Variants in FCHSD2 observed in about 807,000 individuals in gnomAD.
FCHSD2 encodes F-BAR and double SH3 domains protein 2.
In FCHSD2, 38 loss-of-function variants were observed where a neutral mutation model predicts 108.1. That is an observed-to-expected ratio of 0.35 (90% confidence interval 0.27 to 0.46). The LOEUF (loss-of-function observed/expected upper bound fraction) is 0.46. Ranked by LOEUF, FCHSD2 falls within the 20% of genes least tolerant of loss-of-function variation. The pLI, the probability that FCHSD2 is intolerant of heterozygous loss-of-function variation, is 1.00. For missense variants in FCHSD2, 751 were observed against 897.8 expected (o/e 0.84, Z 2.09); for synonymous variants, 279 against 314.7 (o/e 0.89, Z 1.20).
Position 72,940,940 on chromosome 11 carries a change from C to A in FCHSD2, c.706-18990G>T, listed in dbSNP as rs547457366. On this transcript the variant is annotated intron_variant, in intron 8 of 19. Transcript: ENST00000409418. ...AAAGCTATCAGAAGAAATCCTGACA[C>A]CCAATGGATCACCAAAGCAGTCTAT... 1.5e-4 allele frequency: 118 copies of A among 779,634 alleles called. 1 individual carries two copies. In the African/African-American group the frequency reaches 1.8e-3, roughly 12 times the overall value. The allele number at this position is 779,634 out of a possible 1,614,324, so 48.3% of individuals were successfully genotyped here.
chr11:73,040,895 C>T (rs182020883), intron 3 of FCHSD2, among the ~76,000 whole-genome samples: 19 of 152,282 alleles, frequency 1.2e-4, no homozygotes, highest in East Asian at 7.7e-4. Context: ...GCTCCCCCCC[C>T]TCTTTGGTAA....
chr11:72,985,780 A>G (rs912580749), intron 6 of FCHSD2, among the ~76,000 whole-genome samples: 2 of 152,126 alleles, frequency 1.3e-5, no homozygotes, highest in Non-Finnish European at 2.9e-5. Context: ...ACCATAATCT[A>G]ACAATAGGTA....
At chr11:73,025,392 G>T (rs567093725) in intron 3 of FCHSD2, among the ~76,000 whole-genome samples, 1 of 152,218 alleles carries the variant, frequency 6.6e-6, no homozygotes, top group African/African-American at 2.4e-5. Flanking sequence ...TGCAGGAAAA[G>T]AAAACCAAAT....
At chr11:73,018,337 C>T (rs948371006) in intron 3 of FCHSD2, among the ~76,000 whole-genome samples, 1 of 152,174 alleles carries the variant, frequency 6.6e-6, no homozygotes, top group African/African-American at 2.4e-5. Context: ...AGTTCTCATT[C>T]TTTGGGTCTT....
chr11:73,061,171 G>A (rs1192075870), intron 3 of FCHSD2, among the ~76,000 whole-genome samples: 2 of 152,222 alleles, frequency 1.3e-5, no homozygotes, highest in Non-Finnish European at 1.5e-5. Context: ...GCGAGCCGAA[G>A]CAGGGTGGGG....
chr11:72,994,499 A>T (rs1857484591), intron 5 of FCHSD2, among the ~76,000 whole-genome samples: 3 of 152,210 alleles, frequency 2.0e-5, no homozygotes, highest in African/African-American at 2.4e-5. Flanking sequence ...CAAGGATGTG[A>T]TGATACCATT....
chr11:73,013,504 G>T (rs895708017), intron 4 of FCHSD2, among the ~76,000 whole-genome samples: 5 of 152,164 alleles, frequency 3.3e-5, no homozygotes, highest in African/African-American at 1.2e-4. Context: ...CCGCTGACAT[G>T]TAGTAGGTAT....
At chr11:73,022,720 G>T (rs1858137630) in intron 3 of FCHSD2, among the ~76,000 whole-genome samples, 1 of 152,028 alleles carries the variant, frequency 6.6e-6, no homozygotes, top group South Asian at 2.1e-4. Context: ...AAAGATAAAG[G>T]TATTAGAATA....
chr11:72,963,253 G>A (rs1336727441), intron 8 of FCHSD2, among the ~76,000 whole-genome samples: 1 of 152,118 alleles, frequency 6.6e-6, no homozygotes, highest in Non-Finnish European at 1.5e-5. Context: ...CTTATTAATA[G>A]CAATAATGAT....
chr11:72,845,785 A>G (rs1861115864), intron 14 of FCHSD2, among the ~76,000 whole-genome samples: 2 of 152,164 alleles, frequency 1.3e-5, no homozygotes, highest in Non-Finnish European at 2.9e-5. Flanking sequence ...GAGCAGACTT[A>G]GATTACTGTG....
chr11:73,030,341 C>T (rs2135450212), intron 3 of FCHSD2, among the ~76,000 whole-genome samples: 1 of 152,012 alleles, frequency 6.6e-6, no homozygotes, highest in East Asian at 1.9e-4. Context: ...AGAGATGATG[C>T]AATAGAGAGA....
chr11:73,086,685 CA>C (rs1859824853), intron 2 of FCHSD2, among the ~76,000 whole-genome samples: 1 of 151,890 alleles, frequency 6.6e-6, no homozygotes, highest in Admixed American at 6.6e-5. Context: ...CACTAATTAC[CA>C]AAATCAGAAA....
intron 8 of FCHSD2, chr11:72,940,634 A>T: frequency 6.9e-7 from 1 of 1,445,248 alleles, no homozygotes; most frequent in Non-Finnish European, 9.7e-7. Flanking sequence ...ACCCAGCCTG[A>T]TAAAGCGCGC....
At chr11:72,902,781 A>C in intron 9 of FCHSD2, 143 bp from the exon 10 acceptor site, 1 of 555,588 alleles carries the variant, frequency 1.8e-6, no homozygotes, top group Non-Finnish European at 3.1e-6. Flanking sequence ...GGTGTTACGC[A>C]TTTTATTTTT....
intron 3 of FCHSD2, among the ~76,000 whole-genome samples, chr11:73,037,501 A>G (rs1858526997): frequency 6.6e-6 from 1 of 152,106 alleles, no homozygotes; most frequent in Admixed American, 6.6e-5. Flanking sequence ...ATTATGCCCA[A>G]AATTATTTTT....
intron 2 of FCHSD2, among the ~76,000 whole-genome samples, chr11:73,091,550 AAAAAAAG>A (rs903285236): frequency 1.3e-5 from 2 of 152,022 alleles, no homozygotes; most frequent in African/African-American, 4.8e-5. Context: ...CTCCATCTCA[AAAAAAAG>A]AAAAAAGAAA....
At chr11:73,049,402 T>G (rs1483101496) in intron 3 of FCHSD2, among the ~76,000 whole-genome samples, 1 of 151,982 alleles carries the variant, frequency 6.6e-6, no homozygotes, top group Non-Finnish European at 1.5e-5. Context: ...TAAAACAGTT[T>G]CATAGGACGT....
chr11:72,881,866 G>A (rs556726727), intron 12 of FCHSD2, among the ~76,000 whole-genome samples: 35 of 152,338 alleles, frequency 2.3e-4, no homozygotes, highest in Admixed American at 1.5e-3. Context: ...CTGGGGCCGG[G>A]TGCGGTGGCT....
At chr11:72,947,955 T>C (rs565941079) in intron 8 of FCHSD2, among the ~76,000 whole-genome samples, 25 of 152,370 alleles carry the variant, frequency 1.6e-4, no homozygotes, top group East Asian at 1.5e-3. Flanking sequence ...TATAATCTTA[T>C]ACAACATAAT....
Sources: gnomAD v4.1 joint callset for allele counts (sites outside exome capture counted in the v4.1 genomes callset) on GRCh38, gnomAD v4.1.1 for gene constraint, MANE v1.5 for transcripts, NCBI Gene and HGNC (gene_info 2026-07-23, HGNC 2026-07-21) for gene names.